Variants in LONRF3 observed in about 807,000 individuals in gnomAD.
LONRF3 encodes LON peptidase N-terminal domain and ring finger 3.
A neutral mutation model predicts 51.7 loss-of-function variants in LONRF3; 19 were observed. The ratio of observed to expected loss-of-function variants is 0.37; its 90% CI spans 0.26 to 0.54. The LOEUF (loss-of-function observed/expected upper bound fraction) is 0.54. LONRF3 is among the 20% of genes least tolerant of loss of function. The pLI is 0.86. For synonymous variants in LONRF3, 265 were observed against 257.8 expected (o/e 1.03, Z -0.27); for missense variants, 521 against 623.9 (o/e 0.84, Z 1.76).
intron 1 of LONRF3, chrX:118,976,211 A>C (rs776260759): frequency 1.5e-3 from 168 of 113,066 alleles, no homozygotes; most frequent in African/African-American, 5.2e-3. Flanking sequence ...AGGTCAGGAG[A>C]GCACTGGTTG....
In LONRF3 at chrX:119,009,420, C is replaced by T. The variant is rs142857035; in HGVS notation, c.1652+173C>T. Among the ~76,000 whole-genome samples the T allele has an allele frequency of 9.6e-4, 107 of 111,531 alleles. 1 individual carries two copies. The highest frequency in any genetic ancestry group is 2.8e-3 in the African/African-American group (86 of 30,719). The stretch of plus-strand genomic sequence containing the variant: ...GGCAAGTGCTACAAACCAGGGTTTC[C>T]GCTGCACCCAGAGAGCCAGTTGTTA... On this transcript the variant is annotated intron_variant, in intron 7 of 10. Coordinates refer to ENST00000371628, the MANE Select transcript of LONRF3 (RefSeq NM_001031855.3).
rs1187001381 is a variant in LONRF3 at position 119,016,350 on chromosome X, C to CTTTCT, written c.2125-1182_2125-1181insCTTTT. ...AATATATTTCTTTCTTTCTTTCTTTCTTTTTTTTTTTTTTTTGAGACGGAG... is the reference window on the plus strand; with the variant it reads ...AATATATTTCTTTCTTTCTTTCTTTCTTTCTTTTTTTTTTTTTTTTTGAGACGGAG... On this transcript the variant is annotated intron_variant, in intron 10 of 10. Coordinates refer to ENST00000371628, the MANE Select transcript of LONRF3 (RefSeq NM_001031855.3). Among the ~76,000 whole-genome samples the CTTTCT allele has an allele frequency of 3.5e-3, 312 of 88,458 alleles. 1 individual carries two copies. Among genetic ancestry groups the CTTTCT allele is most frequent in the East Asian group, 7.3e-3 (22 of 3,015 alleles). 76.8% of individuals were successfully genotyped at this position (88,458 alleles called of 115,157 possible). A position where few individuals can be genotyped will look rare whatever the true frequency, so the allele number is the denominator to read the frequency against.
At chrX:118,996,921 C>CAAAA (rs58609623) in intron 5 of LONRF3, among the ~76,000 whole-genome samples, 1 of 62,759 alleles carries the variant, frequency 1.6e-5, no homozygotes, top group African/African-American at 5.8e-5. Context: ...GACTCCATCT[C>CAAAA]AAAAAAAAAA....
At chrX:119,008,796 T>TC (rs947940584) in intron 6 of LONRF3, among the ~76,000 whole-genome samples, 12 of 111,142 alleles carry the variant, frequency 1.1e-4, no homozygotes, top group African/African-American at 3.3e-4. Context: ...AGGGAAGAAT[T>TC]CCCCCCACCC....
intron 1 of LONRF3, among the ~76,000 whole-genome samples, chrX:118,977,676 C>T (rs140509616): frequency 0.023 from 2,522 of 111,906 alleles, 32 homozygotes; most frequent in Non-Finnish European, 0.033. Context: ...TTGATTGAGC[C>T]AGATAATCTC....
At chrX:118,979,543 G>A (rs1380738309) in intron 2 of LONRF3, among the ~76,000 whole-genome samples, 5 of 111,849 alleles carry the variant, frequency 4.5e-5, no homozygotes, top group African/African-American at 1.6e-4. Context: ...ACTTGCCTCA[G>A]TCTCCCAAAA....
chrX:118,978,345 C>T lies in LONRF3; in HGVS notation c.818C>T (p.Ala273Val), dbSNP rs1179581837. The change falls in exon 2 of 11, where the codon GCT becomes GTT. Residue 273 changes from alanine (A) to valine (V), a missense_variant and splice_region_variant. Physicochemically the swap from Ala to Val is moderately conservative, Grantham distance 64. Transcript: ENST00000371628. The stretch of plus-strand genomic sequence containing the variant: ...AGGTTTTTCTTTCTTATTTTGACAG[C>T]TCCAAATGACCACTTGCTTTATAGC... ...LLKYNEAVKL[A>V]PNDHLLYSNR... The T allele has an allele frequency of 5.9e-6, 7 of 1,183,860 alleles. No homozygotes were observed. The highest frequency in any genetic ancestry group is 1.8e-5 in the African/African-American group (1 of 56,617).
At chrX:118,976,702 C>T (rs1237232644) in intron 1 of LONRF3, 2 of 113,191 alleles carry the variant, frequency 1.8e-5, no homozygotes, top group Non-Finnish European at 3.7e-5. Flanking sequence ...CGCTCTCTGA[C>T]CCACCACGCC....
At chrX:118,989,701 C>T in intron 4 of LONRF3, 29 bp downstream of exon 4, 1 of 1,189,112 alleles carries the variant, frequency 8.4e-7, no homozygotes, top group Non-Finnish European at 1.1e-6. Flanking sequence ...GAGAAGGTAG[C>T]TTGGAGGAGA....
At chrX:118,978,494 G>C in intron 2 of LONRF3, 31 bp downstream of exon 2, 1 of 1,020,917 alleles carries the variant, frequency 9.8e-7, no homozygotes, top group African/African-American at 1.9e-5. Context: ...GTGGGAAGGG[G>C]TTGTACTGTA....
At chrX:119,006,398 CT>C (rs1042593971) in intron 6 of LONRF3, among the ~76,000 whole-genome samples, 163 bp downstream of exon 6, 173 of 86,718 alleles carry the variant, frequency 2.0e-3, no homozygotes, top group Middle Eastern at 5.7e-3. Context: ...CTCCTGTCTT[CT>C]TTTTTTTTTT....
At position 119,000,910 on chromosome X, in the gene LONRF3, C is replaced by G. The variant is rs140626160; in HGVS notation, c.1416-5211C>G. On this transcript the variant is annotated intron_variant, in intron 5 of 10. Transcript: ENST00000371628. ...CTCTCCTTCTCCCCTCCCTCCTCTC[C>G]TCCTCCTTTCCTCTTTGCTCTCATT... Among the ~76,000 whole-genome samples the G allele has an allele frequency of 1.1e-3, 120 of 107,233 alleles. 1 individual carries two copies. The highest frequency in any genetic ancestry group is 4.0e-3 in the African/African-American group (117 of 29,472). The allele number at this position is 107,233 out of a possible 115,157, so 93.1% of individuals were successfully genotyped here.
chrX:119,006,890 A>G lies in LONRF3; in HGVS notation c.1530+655A>G, dbSNP rs1473362908. Among the ~76,000 whole-genome samples the G allele has an allele frequency of 1.9e-5, 2 of 104,043 alleles. 1 individual carries two copies. Among genetic ancestry groups the G allele is most frequent in the Admixed American group, 2.0e-4 (2 of 9,824 alleles). 90.3% of individuals were successfully genotyped at this position (104,043 alleles called of 115,157 possible). A position where few individuals can be genotyped will look rare whatever the true frequency, so the allele number is the denominator to read the frequency against. ...GGCGTGAGCCACCACGCCCGGCCTA[A>G]TTTTTGTATTTTTAGTAGAAATGGG... On this transcript the variant is annotated intron_variant, in intron 6 of 10. Transcript: ENST00000371628.
At chrX:119,012,002 A>C (rs1381734407) in intron 8 of LONRF3, 29 bp downstream of exon 8, 1 of 1,202,811 alleles carries the variant, frequency 8.3e-7, no homozygotes. Flanking sequence ...GAGCAAAGGG[A>C]GGTTGTGTAA....
At chrX:119,002,076 T>C (rs1214131861) in intron 5 of LONRF3, among the ~76,000 whole-genome samples, 2 of 112,602 alleles carry the variant, frequency 1.8e-5, no homozygotes, top group Middle Eastern at 4.6e-3. Flanking sequence ...AATCACACTT[T>C]TGAAAAACAT....
intron 7 of LONRF3, 89 bp from the exon 8 acceptor site, chrX:119,011,726 C>T: frequency 1.0e-6 from 1 of 993,477 alleles, no homozygotes; most frequent in East Asian, 3.1e-5. Flanking sequence ...TCTGCCTTCC[C>T]CCAGGGGTAT....
intron 2 of LONRF3, among the ~76,000 whole-genome samples, chrX:118,981,236 GC>G (rs1922526196): frequency 9.1e-6 from 1 of 110,422 alleles, no homozygotes; most frequent in Non-Finnish European, 1.9e-5. Context: ...TGTAATCCCA[GC>G]ACTTTGGGAG....
intron 10 of LONRF3, among the ~76,000 whole-genome samples, chrX:119,015,421 G>C (rs1603257776): frequency 9.0e-6 from 1 of 111,713 alleles, no homozygotes; most frequent in Admixed American, 9.5e-5. Flanking sequence ...ACACCAGTCT[G>C]TTCCCTAAAT....
At chrX:119,010,194 G>A (rs1449686717) in intron 7 of LONRF3, among the ~76,000 whole-genome samples, 1 of 111,864 alleles carries the variant, frequency 8.9e-6, no homozygotes, top group East Asian at 2.8e-4. Context: ...AGAGGTGAAG[G>A]GGAGGGGCAG....
Sources: allele counts gnomAD v4.1 joint callset (sites outside exome capture counted in the v4.1 genomes callset), GRCh38; gene constraint gnomAD v4.1.1; transcripts MANE v1.5; gene names NCBI Gene and HGNC (gene_info 2026-07-23, HGNC 2026-07-21).